GUCY2D: variants seen among roughly 807,000 people sequenced by gnomAD.
GUCY2D encodes guanylate cyclase 2D, retinal.
Under a neutral mutation model 101.3 loss-of-function variants are expected in GUCY2D, and 70 were observed. That is an observed-to-expected ratio of 0.69 (90% CI 0.57 to 0.84). The LOEUF (loss-of-function observed/expected upper bound fraction) is 0.84, where lower values mean the gene tolerates loss of function less well. Among genes scored for constraint, GUCY2D ranks in the 40% least tolerant of loss-of-function variants. The pLI is 0.00. For missense variants in GUCY2D, 1,460 were observed against 1,542.5 expected, an observed-to-expected ratio of 0.95 and a Z score of 0.90; for synonymous variants, 688 against 670.7, an observed-to-expected ratio of 1.03 and a Z score of -0.40.
chr17:8,003,218 G>T lies in GUCY2D; in HGVS notation c.171G>T (p.Gly57=), dbSNP rs1461656268. The T allele has an allele frequency of 6.6e-7, 1 of 1,521,312 alleles. No individual in the cohort carries two copies. Among genetic ancestry groups the T allele is most frequent in the Non-Finnish European group, 8.8e-7 (1 of 1,139,694 alleles). The allele number at this position is 1,521,312 out of a possible 1,614,324, so 94.2% of individuals were successfully genotyped here. The change falls in exon 2 of 20, where the codon GGG becomes GGT. Residue 57 remains glycine, a synonymous_variant. Coordinates refer to ENST00000254854, the MANE Select transcript of GUCY2D (RefSeq NM_000180.4). ...CCCTCTCCGCCGTGTTCACGGTGGG[G>T]GTCCTGGGCCCCTGGGCTTGCGACC... ...PPALSAVFTV[G]VLGPWACDPI...
intron 19 of GUCY2D, among the ~76,000 whole-genome samples, chr17:8,018,317 C>A (rs1229701441): frequency 1.3e-5 from 2 of 152,158 alleles, no homozygotes; most frequent in Non-Finnish European, 2.9e-5. Flanking sequence ...TGCCTGTGAG[C>A]TCATTAGAAA....
chr17:8,012,557 G>A lies in GUCY2D; in HGVS notation c.2064G>A (p.Gly688=), dbSNP rs1975875471. The A allele has an allele frequency of 3.1e-6, 5 of 1,614,034 alleles. No homozygotes were observed. The highest frequency in any genetic ancestry group is 4.2e-6 in the Non-Finnish European group (5 of 1,179,994). Residue 688 remains glycine, a synonymous_variant, in exon 10 of 20, where the codon GGG becomes GGA. Transcript: ENST00000254854. ...TCAAGATCACTGACCACGGCCACGG[G>A]AGACTGCTGGAAGCACAGAAGGTGC... ...FVLKITDHGH[G]RLLEAQKVLP...
chr17:8,009,142 T>A (rs1366789903), intron 7 of GUCY2D, among the ~76,000 whole-genome samples: 6 of 152,206 alleles, frequency 3.9e-5, no homozygotes, highest in Admixed American at 2.6e-4. Context: ...TAAAGCCTGA[T>A]CTACCCAGAT....
rs1028164100 is a variant in GUCY2D, at chr17:8,011,240, A to G, written c.1750-904A>G. 3.3e-5 allele frequency among the ~76,000 whole-genome samples: 5 copies of G among 152,082 alleles called. No homozygotes were observed. Among genetic ancestry groups the G allele is most frequent in the Non-Finnish European group, 7.4e-5 (5 of 68,024 alleles). On this transcript the variant is annotated intron_variant, in intron 8 of 19. Coordinates refer to ENST00000254854, the MANE Select transcript of GUCY2D (RefSeq NM_000180.4). This position sits in a 1 kb window ranked among gnomAD's most constrained non-coding sequence, Gnocchi z 4.3. ...CTAAAAATACAAAAATTAGCCAGGC[A>G]TGATGGCACACACCTGTAATCCCAG...
chr17:8,013,786 C>A lies in GUCY2D; in HGVS notation c.2264-94C>A. The A allele has an allele frequency of 9.9e-7, 1 of 1,014,278 alleles. No homozygotes were observed. The highest frequency in any genetic ancestry group is 1.5e-6 in the Non-Finnish European group (1 of 646,338). 62.8% of individuals were successfully genotyped at this position (1,014,278 alleles called of 1,614,324 possible). On this transcript the variant is annotated intron_variant, in intron 11 of 19. Transcript: ENST00000254854. This position sits in a 1 kb window ranked among gnomAD's most constrained non-coding sequence, Gnocchi z 5.0. Reference sequence around the variant, plus strand: ...TAAAGAAACCCCTGCCAGGCACCCCCTCCCACATCTTGGTCTTCAACAGTC... The same window carrying A: ...TAAAGAAACCCCTGCCAGGCACCCCATCCCACATCTTGGTCTTCAACAGTC...
chr17:8,006,408 G>T lies in GUCY2D; in HGVS notation c.1072G>T (p.Ala358Ser). The T allele has an allele frequency of 6.2e-7, 1 of 1,602,112 alleles. No homozygotes were observed. The highest frequency in any genetic ancestry group is 8.5e-7 in the Non-Finnish European group (1 of 1,179,968). ...GTIYDAVFLL[A>S]RGVAEARAAA... ...CATCTATGACGCGGTCTTCTTGCTG[G>T]CAAGGGGCGTGGCAGAAGCGCGGGC... The change falls in exon 4 of 20, where the codon GCA (alanine) becomes TCA (serine). Residue 358 changes from alanine to serine, a missense_variant. Around this residue, in one of 3 missense-constraint regions of GUCY2D, gnomAD observed 1,196 missense variants for 1,229.6 expected, o/e 0.97. Coordinates refer to ENST00000254854, the MANE Select transcript of GUCY2D (RefSeq NM_000180.4).
At chr17:8,007,225 A>T in intron 5 of GUCY2D, 81 bp downstream of exon 5, 1 of 1,128,968 alleles carries the variant, frequency 8.9e-7, no homozygotes, top group Non-Finnish European at 1.4e-6. Context: ...GGCTGGGTTC[A>T]CTCAGGAGTA....
At position 8,007,529 on chromosome 17, in the gene GUCY2D, G is replaced by A. The variant is rs1348467293; in HGVS notation, c.1566+1G>A. The A allele has an allele frequency of 1.9e-6, 3 of 1,574,882 alleles. No homozygotes were observed. Among genetic ancestry groups the A allele is most frequent in the Non-Finnish European group, 2.6e-6 (3 of 1,144,538 alleles). On this transcript the variant is annotated splice_donor_variant, in intron 6 of 19. Transcript: ENST00000254854. LOFTEE classifies it high-confidence loss of function. ...CCCACATGGGGGCACCTCTCGAAAG[G>A]TGGGGGAGGCAGAGAGGCAGGAGCC...
At chr17:8,008,054 CAGAG>C in intron 7 of GUCY2D, 22 bp downstream of exon 7, 2 of 1,438,596 alleles carry the variant, frequency 1.4e-6, no homozygotes, top group Non-Finnish European at 2.0e-6. Context: ...CCCAGCCAGA[CAGAG>C]AGACAGTGGG....
At chr17:8,008,167 C>A (rs988924096) in intron 7 of GUCY2D, 135 bp downstream of exon 7, 2 of 705,404 alleles carry the variant, frequency 2.8e-6, no homozygotes, top group Non-Finnish European at 5.1e-6. Context: ...GGGATGGGAG[C>A]CCAGACAGGA....
In GUCY2D at chr17:8,003,393, T is replaced by C. The variant is rs2151799381; in HGVS notation, c.346T>C (p.Ser116Pro). 4 of 1,483,668 alleles carry C rather than the reference T, an allele frequency of 2.7e-6. No individual in the cohort carries two copies. Among genetic ancestry groups the C allele is most frequent in the Non-Finnish European group, 3.6e-6 (4 of 1,124,428 alleles). 91.9% of individuals were successfully genotyped at this position (1,483,668 alleles called of 1,614,324 possible). ...GCCGGGCTCGCTGGGGGCCGTGTCC[T>C]CCGCGCTGGCCCGCGTGTCGGGCCT... ...RTPGSLGAVS[S>P]ALARVSGLVG... The change falls in exon 2 of 20, where the codon TCC (serine) becomes CCC (proline). Residue 116 changes from serine to proline, a missense_variant. Physicochemically the swap from Ser to Pro is moderately conservative, Grantham distance 74. This residue lies in a region of GUCY2D where 1,196 missense variants were observed against 1,229.6 expected (regional missense o/e 0.97). Coordinates refer to ENST00000254854, the MANE Select transcript of GUCY2D (RefSeq NM_000180.4).
At chr17:8,007,250 T>C in intron 5 of GUCY2D, 106 bp downstream of exon 5, 1 of 1,001,358 alleles carries the variant, frequency 1.0e-6, no homozygotes, top group Non-Finnish European at 1.6e-6. Flanking sequence ...AGGAGATTTT[T>C]CTTGGGGTGA....
At chr17:8,015,606 C>T in intron 15 of GUCY2D, 104 bp downstream of exon 15, 1 of 1,226,384 alleles carries the variant, frequency 8.2e-7, no homozygotes. Flanking sequence ...GTGGGGCTTA[C>T]CTTGAAGAGG....
In GUCY2D at chr17:8,014,044, T is replaced by C. The variant is rs780088411; in HGVS notation, c.2412+16T>C. 2 of 1,609,500 alleles carry C rather than the reference T, an allele frequency of 1.2e-6. No homozygotes were observed. The highest frequency in any genetic ancestry group is 1.7e-4 in the Middle Eastern group (1 of 6,056). On this transcript the variant is annotated intron_variant, in intron 12 of 19. Transcript: ENST00000254854. This position sits in a 1 kb window ranked among gnomAD's most constrained non-coding sequence, Gnocchi z 4.0. ...CTTCGACCTGGTCAGGGGCTGGGAG[T>C]GGGCAAGGACTGGGCTGGCCTCTGG...
Position 8,007,101 on chromosome 17 carries a change from G to A in GUCY2D, c.1420G>A (p.Val474Ile), listed in dbSNP as rs1427252897. Residue 474 changes from valine to isoleucine, a missense_variant, in exon 5 of 20, where the codon GTT becomes ATT. Around this residue, in one of 3 missense-constraint regions of GUCY2D, gnomAD observed 1,196 missense variants for 1,229.6 expected, o/e 0.97. Transcript: ENST00000254854. ...CGTCTTTCTTGGCTTCCTCCTGGTG[G>A]TTGGGATGGGGCTGGCTGGGGCCTT... ...GLVFLGFLLVVGMGLAGAFLA... is the reference protein window; with the variant it reads ...GLVFLGFLLVIGMGLAGAFLA... 61 of 1,614,056 alleles carry A rather than the reference G, an allele frequency of 3.8e-5. No homozygotes were observed. The highest frequency in any genetic ancestry group is 4.5e-5 in the Non-Finnish European group (53 of 1,179,986).
rs1356762460 is a variant in GUCY2D, at chr17:8,003,379, TG to T, written c.337del (p.Ala113ProfsTer16). ...GAGCCTTGCCGGACGCCGGGCTCGCTGGGGGCCGTGTCCTCCGCGCTGGCCC... is the reference window on the plus strand; with the variant it reads ...GAGCCTTGCCGGACGCCGGGCTCGCTGGGGCCGTGTCCTCCGCGCTGGCCC... ...LPEPCRTPGS[L>X]GAVSSALARV... On this transcript the variant is annotated frameshift_variant, in exon 2 of 20. Coordinates refer to ENST00000254854, the MANE Select transcript of GUCY2D (RefSeq NM_000180.4). LOFTEE classifies it high-confidence loss of function. 2.0e-6 allele frequency: 3 copies of T among 1,468,014 alleles called. No individual in the cohort carries two copies. Among genetic ancestry groups the T allele is most frequent in the Non-Finnish European group, 2.7e-6 (3 of 1,116,744 alleles). The allele number at this position is 1,468,014 out of a possible 1,614,324, so 90.9% of individuals were successfully genotyped here.
In GUCY2D at chr17:8,011,788, C is replaced by T. The variant is rs756677163; in HGVS notation, c.1750-356C>T. On this transcript the variant is annotated intron_variant, in intron 8 of 19. Transcript: ENST00000254854. The surrounding 1 kb of genome is among the most constrained non-coding windows in gnomAD (Gnocchi z 4.3). ...AGGTAGCAGTGATTTATGATCATGC[C>T]GCTGCACTCCAGTCTGGGCAACAGA... Among the ~76,000 whole-genome samples the T allele has an allele frequency of 6.6e-6, 1 of 151,986 alleles. No homozygotes were observed. The highest frequency in any genetic ancestry group is 1.5e-5 in the Non-Finnish European group (1 of 67,996).
Position 8,016,492 on chromosome 17 carries a change from C to T in GUCY2D, c.3274C>T (p.Arg1092Trp), listed in dbSNP as rs746525316. The change falls in exon 19 of 20, where the codon CGG becomes TGG. Residue 1092 changes from arginine to tryptophan, a missense_variant. Arg to Trp is a moderately radical substitution (Grantham distance 101). This residue lies in a region of GUCY2D where 215 missense variants were observed against 227.9 expected (regional missense o/e 0.94). Transcript: ENST00000254854. The part of the protein sequence containing the change: ...SLQEIPPERR[R>W]KLEKARPGQF... ...GCAGGAGATCCCACCCGAGCGGCGA[C>T]GGAAGCTGGAGAAGGCGCGGCCGGG... The T allele has an allele frequency of 2.2e-4, 354 of 1,581,892 alleles. 1 individual carries two copies. The highest frequency in any genetic ancestry group is 2.9e-4 in the Non-Finnish European group (341 of 1,164,592).
rs61749665 is a variant in GUCY2D at position 8,003,201 on chromosome 17, G to T, written c.154G>T (p.Ala52Ser). The T allele has an allele frequency of 0.34, 517,894 of 1,517,162 alleles. 95,479 individuals are homozygous for T. Among genetic ancestry groups the T allele is most frequent in the East Asian group, 0.69 (26,306 of 37,974 alleles). 94.0% of individuals were successfully genotyped at this position (1,517,162 alleles called of 1,614,324 possible). ...LLLLQPPALS[A>S]VFTVGVLGPW... is the part of the protein sequence containing the mutation. ...TCTGCTGCAGCCCCCCGCCCTCTCC[G>T]CCGTGTTCACGGTGGGGGTCCTGGG... The change falls in exon 2 of 20, where the codon GCC becomes TCC. Residue 52 changes from alanine (A) to serine (S), a missense_variant. Coordinates refer to ENST00000254854, the MANE Select transcript of GUCY2D (RefSeq NM_000180.4).
Sources: gnomAD v4.1 joint callset for allele counts (sites outside exome capture counted in the v4.1 genomes callset) on GRCh38, gnomAD v4.1.1 for gene constraint, gnomAD v4.1.1 regional missense constraint, Gnocchi (gnomAD v3.1) non-coding constraint, MANE v1.5 for transcripts, NCBI Gene and HGNC (gene_info 2026-07-23, HGNC 2026-07-21) for gene names.